Variants in ZNF470 observed in about 807,000 individuals in gnomAD.
The protein encoded by ZNF470 is zinc finger protein 470.
In ZNF470, 13 loss-of-function variants were observed where a neutral mutation model predicts 13.9. The ratio of observed to expected loss-of-function variants is 0.94; its 90% CI spans 0.61 to 1.49. The LOEUF (loss-of-function observed/expected upper bound fraction) is 1.49, where lower values mean the gene tolerates loss of function less well. Among genes scored for constraint, ZNF470 ranks in the 40% most tolerant of loss-of-function variants. The pLI is 0.00. For synonymous variants in ZNF470, 293 were observed against 282.9 expected (o/e 1.04, Z -0.36); for missense variants, 929 against 857.3 (o/e 1.08, Z -1.04).
chr19:56,570,656 T>G (rs1363319530), intron 3 of ZNF470, among the ~76,000 whole-genome samples: 1 of 152,220 alleles, frequency 6.6e-6, no homozygotes, highest in African/African-American at 2.4e-5. Context: ...CATAGGCATC[T>G]GACAAAGCAG....
chr19:56,577,885 T>A lies in ZNF470; in HGVS notation c.1456T>A (p.Cys486Ser), dbSNP rs745413929. Reference sequence around the variant, plus strand: ...AGAGAAACCCTATGAATGTAAAGAATGTGGGAAAGCTTTCCGGCAGAGCAC... The same window carrying A: ...AGAGAAACCCTATGAATGTAAAGAAAGTGGGAAAGCTTTCCGGCAGAGCAC... The part of the protein sequence containing the change: ...TGEKPYECKE[C>S]GKAFRQSTHL... Residue 486 changes from cysteine (C) to serine (S), a missense_variant, in exon 6 of 6, where the codon TGT (cysteine) becomes AGT (serine). Transcript: ENST00000330619. 2 of 1,613,852 alleles carry A rather than the reference T, an allele frequency of 1.2e-6. No homozygotes were observed. The highest frequency in any genetic ancestry group is 1.7e-6 in the Non-Finnish European group (2 of 1,179,878).
intron 5 of ZNF470, among the ~76,000 whole-genome samples, chr19:56,575,594 G>A (rs531137724): frequency 7.0e-4 from 107 of 151,960 alleles, no homozygotes; most frequent in African/African-American, 2.5e-3. Flanking sequence ...GTGGCCTGAA[G>A]CGTAGACTTT....
chr19:56,580,231 TC>T lies in ZNF470; in HGVS notation c.*1651del, dbSNP rs2044525386. Reference sequence around the variant, plus strand: ...GGCATAATGAAAATAGTCATGATAGTCCCAAGGCAGATATTGTTTATGATGC... The same window carrying T: ...GGCATAATGAAAATAGTCATGATAGTCCAAGGCAGATATTGTTTATGATGC... On this transcript the variant is annotated 3_prime_UTR_variant, in exon 6 of 6. Transcript: ENST00000330619. 4 of 866,308 alleles carry T rather than the reference TC, an allele frequency of 4.6e-6. No homozygotes were observed. The highest frequency in any genetic ancestry group is 5.5e-6 in the Non-Finnish European group (4 of 721,986). 53.7% of individuals were successfully genotyped at this position (866,308 alleles called of 1,614,324 possible). A position where few individuals can be genotyped will look rare whatever the true frequency, so the allele number is the denominator to read the frequency against.
At position 56,576,647 on chromosome 19, in the gene ZNF470, A is replaced by AT. The variant is rs1261802029; in HGVS notation, c.284-62dup. On this transcript the variant is annotated intron_variant, in intron 5 of 5. Transcript: ENST00000330619. ...CAATAACTATGTGATTCACATTTTC[A>AT]TTTTCGAAATTTCCATTATTCTAGC... 4.6e-6 allele frequency: 6 copies of AT among 1,312,978 alleles called. No homozygotes were observed. In the East Asian group the frequency reaches 1.3e-4, roughly 29 times the overall value. 81.3% of individuals were successfully genotyped at this position (1,312,978 alleles called of 1,614,324 possible).
Position 56,577,973 on chromosome 19 carries a change from G to A in ZNF470, c.1544G>A (p.Ser515Asn), listed in dbSNP as rs1019155552. 14 of 1,613,294 alleles carry A rather than the reference G, an allele frequency of 8.7e-6. No individual in the cohort carries two copies. The African/African-American group carries it at 1.6e-4, about 18-fold the overall frequency. The change falls in exon 6 of 6, where the codon AGC (serine) becomes AAC (asparagine). Residue 515 changes from serine (S) to asparagine (N), a missense_variant. Physicochemically the swap from Ser to Asn is conservative, Grantham distance 46 (BLOSUM62 1). Coordinates refer to ENST00000330619, the MANE Select transcript of ZNF470 (RefSeq NM_001001668.4). ...AAACCTTATGAATGTAAGGAATGCAGCAAAACCTTCAGCCAGAATGCACAC... is the reference window on the plus strand; with the variant it reads ...AAACCTTATGAATGTAAGGAATGCAACAAAACCTTCAGCCAGAATGCACAC... Reference protein sequence around the residue: ...GEKPYECKECSKTFSQNAHLA... With the variant: ...GEKPYECKECNKTFSQNAHLA...
chr19:56,569,617 G>A (rs1322844318), intron 2 of ZNF470, among the ~76,000 whole-genome samples: 2 of 152,124 alleles, frequency 1.3e-5, no homozygotes, highest in African/African-American at 2.4e-5. Context: ...GATTCTGTTT[G>A]AAGATTTTGG....
Position 56,577,849 on chromosome 19 carries a change from G to A in ZNF470, c.1420G>A (p.Val474Ile). ...TGGGTCTCTTACTCTTCATCAGAGA[G>A]TTCATACTGGAGAGAAACCCTATGA... is the stretch of plus-strand genomic sequence containing the variant. The part of the protein sequence containing the change: ...HRGSLTLHQR[V>I]HTGEKPYECK... Residue 474 changes from valine (V) to isoleucine (I), a missense_variant, in exon 6 of 6, where the codon GTT (valine) becomes ATT (isoleucine). By Grantham distance (29) the Val-to-Ile change is conservative. Transcript: ENST00000330619. 1 of 1,613,456 alleles carries A rather than the reference G, an allele frequency of 6.2e-7. No homozygotes were observed. The highest frequency in any genetic ancestry group is 1.3e-5 in the African/African-American group (1 of 74,820).
rs1245560764 is a variant in ZNF470, at chr19:56,579,282, C to T, written c.*699C>T. On this transcript the variant is annotated 3_prime_UTR_variant, in exon 6 of 6. Transcript: ENST00000330619. Reference sequence around the variant, plus strand: ...ACAAAAAATACAGAAATTAGCCAGGCGTGGTGGTGCACACCTGTAGTCCTA... The same window carrying T: ...ACAAAAAATACAGAAATTAGCCAGGTGTGGTGGTGCACACCTGTAGTCCTA... The T allele has an allele frequency of 2.4e-5, 14 of 577,408 alleles. No individual in the cohort carries two copies. The highest frequency in any genetic ancestry group is 7.8e-5 in the South Asian group (1 of 12,890). 35.8% of individuals were successfully genotyped at this position (577,408 alleles called of 1,614,324 possible). A position where few individuals can be genotyped will look rare whatever the true frequency, so the allele number is the denominator to read the frequency against.
chr19:56,572,839 AG>A (rs1318887242), intron 3 of ZNF470, among the ~76,000 whole-genome samples: 4 of 151,568 alleles, frequency 2.6e-5, no homozygotes, highest in Non-Finnish European at 5.9e-5. Context: ...CTCATAGGAA[AG>A]AAAACTAAGA....
chr19:56,580,816 TTA>T lies in ZNF470; in HGVS notation c.*2239_*2240del. On this transcript the variant is annotated 3_prime_UTR_variant, in exon 6 of 6. Coordinates refer to ENST00000330619, the MANE Select transcript of ZNF470 (RefSeq NM_001001668.4). The stretch of plus-strand genomic sequence containing the variant: ...AGAATGTGGAGCTTTCAGACTCTCC[TTA>T]TATATGATAAAAAGGATTTTTCATT... The T allele has an allele frequency of 1.0e-6, 1 of 984,174 alleles. No individual in the cohort carries two copies. Among genetic ancestry groups the T allele is most frequent in the Non-Finnish European group, 1.2e-6 (1 of 828,864 alleles). The allele number at this position is 984,174 out of a possible 1,614,324, so 61.0% of individuals were successfully genotyped here.
In ZNF470 at chr19:56,576,974, A is replaced by G. The variant is rs2147986382; in HGVS notation, c.545A>G (p.His182Arg). ...DHSNKSGTVF[H>R]LNTLSYIKQI... ...TCTAACAAATCTGGGACAGTTTTTC[A>G]TCTGAATACATTATCTTATATAAAA... The change falls in exon 6 of 6, where the codon CAT becomes CGT. Residue 182 changes from histidine (H) to arginine (R), a missense_variant. Physicochemically the swap from His to Arg is conservative, Grantham distance 29. Coordinates refer to ENST00000330619, the MANE Select transcript of ZNF470 (RefSeq NM_001001668.4). 1 of 1,589,868 alleles carries G rather than the reference A, an allele frequency of 6.3e-7. No homozygotes were observed. Among genetic ancestry groups the G allele is most frequent in the East Asian group, 2.2e-5 (1 of 44,722 alleles).
chr19:56,570,339 G>A lies in ZNF470; in HGVS notation c.28G>A (p.Ala10Thr), dbSNP rs937421015. 6.2e-7 allele frequency: 1 copy of A among 1,614,144 alleles called. No individual in the cohort carries two copies. The highest frequency in any genetic ancestry group is 1.3e-5 in the African/African-American group (1 of 75,012). The change falls in exon 3 of 6, where the codon GCA (alanine) becomes ACA (threonine). Residue 10 changes from alanine (A) to threonine (T), a missense_variant. By Grantham distance (58) the Ala-to-Thr change is moderately conservative. Transcript: ENST00000330619. Reference protein sequence around the residue: MKSQEEVEVAGIKLCKAMSL... With the variant: MKSQEEVEVTGIKLCKAMSL... ...GAAGAGCCAGGAAGAGGTAGAGGTG[G>A]CAGGAATTAAACTTTGTAAAGCCAT...
In ZNF470 at chr19:56,581,852, C is replaced by G; in HGVS notation, c.*3269C>G. On this transcript the variant is annotated 3_prime_UTR_variant, in exon 6 of 6. Coordinates refer to ENST00000330619, the MANE Select transcript of ZNF470 (RefSeq NM_001001668.4). ...TCTGAATTTCAAAAGGCATTTGGAT[C>G]TGTGTCATCCAATGGCAACTCCCTA... 1 of 985,340 alleles carries G rather than the reference C, an allele frequency of 1.0e-6. No individual in the cohort carries two copies. Among genetic ancestry groups the G allele is most frequent in the Non-Finnish European group, 1.2e-6 (1 of 829,918 alleles). 61.0% of individuals were successfully genotyped at this position (985,340 alleles called of 1,614,324 possible). A position where few individuals can be genotyped will look rare whatever the true frequency, so the allele number is the denominator to read the frequency against.
Position 56,577,003 on chromosome 19 carries a change from A to G in ZNF470, c.574A>G (p.Ile192Val). The G allele has an allele frequency of 6.3e-7, 1 of 1,585,930 alleles. No individual in the cohort carries two copies. Among genetic ancestry groups the G allele is most frequent in the Non-Finnish European group, 8.5e-7 (1 of 1,171,404 alleles). ...GAATACATTATCTTATATAAAACAG[A>G]TTTTTCCCATGGAAGAGAGAATATT... ...HLNTLSYIKQIFPMEERIFNF... is the reference protein window; with the variant it reads ...HLNTLSYIKQVFPMEERIFNF... The change falls in exon 6 of 6, where the codon ATT becomes GTT. Residue 192 changes from isoleucine (I) to valine (V), a missense_variant. Coordinates refer to ENST00000330619, the MANE Select transcript of ZNF470 (RefSeq NM_001001668.4).
At position 56,582,040 on chromosome 19, in the gene ZNF470, G is replaced by A. The variant is rs954296990; in HGVS notation, c.*3457G>A. The A allele has an allele frequency of 3.0e-6, 3 of 985,218 alleles. No individual in the cohort carries two copies. Among genetic ancestry groups the A allele is most frequent in the African/African-American group, 3.5e-5 (2 of 57,188 alleles). 61.0% of individuals were successfully genotyped at this position (985,218 alleles called of 1,614,324 possible). ...GTAAAGAAACAATCATACAGAATTT[G>A]GTACGAAGATTGGGTAATGGGCATT... On this transcript the variant is annotated 3_prime_UTR_variant, in exon 6 of 6. Coordinates refer to ENST00000330619, the MANE Select transcript of ZNF470 (RefSeq NM_001001668.4).
In ZNF470 at chr19:56,581,130, A is replaced by T; in HGVS notation, c.*2547A>T. 1 of 915,964 alleles carries T rather than the reference A, an allele frequency of 1.1e-6. No homozygotes were observed. The highest frequency in any genetic ancestry group is 5.0e-5 in the South Asian group (1 of 19,842). The allele number at this position is 915,964 out of a possible 1,614,324, so 56.7% of individuals were successfully genotyped here. On this transcript the variant is annotated 3_prime_UTR_variant, in exon 6 of 6. Coordinates refer to ENST00000330619, the MANE Select transcript of ZNF470 (RefSeq NM_001001668.4). Reference sequence around the variant, plus strand: ...CAAAGTGTTTGCAACAGATATAATAAAGGACTGTAATTCGTGATATTCAAA... The same window carrying T: ...CAAAGTGTTTGCAACAGATATAATATAGGACTGTAATTCGTGATATTCAAA...
At position 56,578,041 on chromosome 19, in the gene ZNF470, G is replaced by A; in HGVS notation, c.1612G>A (p.Glu538Lys). 1 of 1,614,010 alleles carries A rather than the reference G, an allele frequency of 6.2e-7. No individual in the cohort carries two copies. The highest frequency in any genetic ancestry group is 8.5e-7 in the Non-Finnish European group (1 of 1,179,992). The change falls in exon 6 of 6, where the codon GAA (glutamate) becomes AAA (lysine). Residue 538 changes from glutamate (E) to lysine (K), a missense_variant. Coordinates refer to ENST00000330619, the MANE Select transcript of ZNF470 (RefSeq NM_001001668.4). ...QKIHTGEKPY[E>K]CKECGKAFSQ... ...AATACACACTGGGGAGAAACCTTATGAATGTAAGGAATGTGGTAAGGCCTT... is the reference window on the plus strand; with the variant it reads ...AATACACACTGGGGAGAAACCTTATAAATGTAAGGAATGTGGTAAGGCCTT...
Position 56,567,789 on chromosome 19 carries a change from G to C in ZNF470, c.-408G>C. The C allele has an allele frequency of 3.0e-6, 3 of 987,544 alleles. No homozygotes were observed. The highest frequency in any genetic ancestry group is 1.1e-4 in the East Asian group (1 of 8,870). 61.2% of individuals were successfully genotyped at this position (987,544 alleles called of 1,614,324 possible). On this transcript the variant is annotated 5_prime_UTR_variant, in exon 1 of 6. Coordinates refer to ENST00000330619, the MANE Select transcript of ZNF470 (RefSeq NM_001001668.4). ...GGCGTGCGGAAGGCGGTGTGTGTTG[G>C]AATGAGTGAAGCACTTTAAGTGGCC...
rs1390853667 is a variant in ZNF470 at position 56,574,537 on chromosome 19, C to G, written c.187+17C>G. Reference sequence around the variant, plus strand: ...TTTCAGTGGGTAAGAGTATCTTCCTCCTGTTGCCTCCCCATGACTCAGTAG... The same window carrying G: ...TTTCAGTGGGTAAGAGTATCTTCCTGCTGTTGCCTCCCCATGACTCAGTAG... On this transcript the variant is annotated intron_variant, in intron 4 of 5. Transcript: ENST00000330619. The G allele has an allele frequency of 6.2e-7, 1 of 1,613,268 alleles. No homozygotes were observed. Among genetic ancestry groups the G allele is most frequent in the Non-Finnish European group, 8.5e-7 (1 of 1,179,474 alleles).
Sources: gnomAD v4.1 joint callset for allele counts (sites outside exome capture counted in the v4.1 genomes callset) on GRCh38, gnomAD v4.1.1 for gene constraint, MANE v1.5 for transcripts, NCBI Gene and HGNC (gene_info 2026-07-23, HGNC 2026-07-21) for gene names.